CLASP2: variants seen among roughly 807,000 people sequenced by gnomAD.
The protein encoded by CLASP2 is cytoplasmic linker associated protein 2.
CLASP2 carries 47 observed loss-of-function variants against 194.4 expected under a neutral mutation model. The ratio of observed to expected loss-of-function variants is 0.24; its 90% CI spans 0.19 to 0.31. CLASP2 has a LOEUF of 0.31. Among genes scored for constraint, CLASP2 ranks in the 10% least tolerant of loss-of-function variants. The pLI, the probability that CLASP2 is intolerant of heterozygous loss-of-function variation, is 1.00. For missense variants in CLASP2, 1,445 were observed against 1,823.6 expected, an observed-to-expected ratio of 0.79 and a Z score of 3.78; for synonymous variants, 619 against 633.5, an observed-to-expected ratio of 0.98 and a Z score of 0.34.
At chr3:33,525,241 T>C (rs748297426) in intron 34 of CLASP2, among the ~76,000 whole-genome samples, 5 of 152,020 alleles carry the variant, frequency 3.3e-5, no homozygotes, top group Admixed American at 6.6e-5. Context: ...CCAAAACTTA[T>C]GGAACACAGT....
intron 23 of CLASP2, among the ~76,000 whole-genome samples, chr3:33,580,056 A>G (rs2065699925): frequency 6.6e-6 from 1 of 152,180 alleles, no homozygotes; most frequent in Non-Finnish European, 1.5e-5. Context: ...TACCTGCCAC[A>G]CACAGCCTTA....
chr3:33,682,367 C>G (rs1305598438), intron 6 of CLASP2, among the ~76,000 whole-genome samples: 2 of 152,122 alleles, frequency 1.3e-5, no homozygotes, highest in Non-Finnish European at 2.9e-5. Flanking sequence ...CTTGCTTCAA[C>G]ATAATACAGC....
intron 1 of CLASP2, among the ~76,000 whole-genome samples, chr3:33,703,524 T>C (rs1465751172): frequency 1.3e-5 from 2 of 152,260 alleles, no homozygotes; most frequent in Non-Finnish European, 1.5e-5. Context: ...AGTACAGTTA[T>C]TTTGGCAGTT....
chr3:33,697,174 G>A (rs1250959457), intron 1 of CLASP2, among the ~76,000 whole-genome samples: 1 of 152,178 alleles, frequency 6.6e-6, no homozygotes, highest in Non-Finnish European at 1.5e-5. Context: ...TTGGCACAAT[G>A]CTAACTAGTA....
intron 6 of CLASP2, among the ~76,000 whole-genome samples, chr3:33,671,531 T>G (rs2087203856): frequency 6.6e-6 from 1 of 152,104 alleles, no homozygotes; most frequent in African/African-American, 2.4e-5. Context: ...GACAGGTGAT[T>G]TCTGCATTTC....
At chr3:33,575,184 CTACT>C (rs2064587429) in intron 24 of CLASP2, among the ~76,000 whole-genome samples, 1 of 152,048 alleles carries the variant, frequency 6.6e-6, no homozygotes, top group African/African-American at 2.4e-5. Flanking sequence ...AACAAAGTCC[CTACT>C]TAATTATATT....
chr3:33,518,365 G>A (rs2052007959), intron 34 of CLASP2, among the ~76,000 whole-genome samples: 1 of 152,158 alleles, frequency 6.6e-6, no homozygotes, highest in African/African-American at 2.4e-5. Flanking sequence ...ACATTTGAAT[G>A]TAACAAAATA....
intron 23 of CLASP2, among the ~76,000 whole-genome samples, chr3:33,578,962 G>C (rs2065460047): frequency 6.6e-6 from 1 of 152,148 alleles, no homozygotes; most frequent in African/African-American, 2.4e-5. Context: ...CCAGCCATAA[G>C]CAACAAGGGG....
At chr3:33,547,196 G>A (rs1327121113) in intron 30 of CLASP2, among the ~76,000 whole-genome samples, 1 of 152,162 alleles carries the variant, frequency 6.6e-6, no homozygotes, top group Non-Finnish European at 1.5e-5. Flanking sequence ...TGGAGGGACT[G>A]GTGGGAGATA....
At chr3:33,608,445 G>C in intron 14 of CLASP2, 122 bp downstream of exon 14, 1 of 770,394 alleles carries the variant, frequency 1.3e-6, no homozygotes, top group South Asian at 1.6e-5. Context: ...AGCTTTAAAG[G>C]AAAACCAGTA....
chr3:33,531,520 A>C (rs1377279285), intron 34 of CLASP2, among the ~76,000 whole-genome samples: 1 of 152,216 alleles, frequency 6.6e-6, no homozygotes, highest in East Asian at 1.9e-4. Context: ...TCATACCTGT[A>C]ATCTCGGCAC....
At chr3:33,544,935 T>A in intron 30 of CLASP2, 94 bp from the exon 31 acceptor site, 1 of 806,144 alleles carries the variant, frequency 1.2e-6, no homozygotes, top group Non-Finnish European at 1.8e-6. Context: ...AGCACGAAGC[T>A]TGACCATCTT....
chr3:33,536,070 C>G (rs2057276174), intron 33 of CLASP2, among the ~76,000 whole-genome samples: 1 of 152,056 alleles, frequency 6.6e-6, no homozygotes, highest in Admixed American at 6.6e-5. Context: ...GTATCAGCAT[C>G]ACCACCATCC....
intron 2 of CLASP2, among the ~76,000 whole-genome samples, chr3:33,692,427 CAAAA>C (rs1486147332): frequency 2.6e-5 from 4 of 152,052 alleles, no homozygotes; most frequent in Non-Finnish European, 5.9e-5. Flanking sequence ...TAAACAAAAA[CAAAA>C]AACTTCACAT....
chr3:33,671,818 G>A (rs914963125), intron 6 of CLASP2, among the ~76,000 whole-genome samples: 22 of 151,588 alleles, frequency 1.5e-4, no homozygotes, highest in Non-Finnish European at 3.2e-4. Context: ...AGGGTCCTAC[G>A]CCCACGGAGA....
At chr3:33,684,265 TA>T in intron 6 of CLASP2, 93 bp downstream of exon 6, 1 of 641,218 alleles carries the variant, frequency 1.6e-6, no homozygotes, top group East Asian at 3.5e-5. Context: ...AATAAATAAA[TA>T]AATAAAAAAT....
At chr3:33,573,687 G>A (rs1425463087) in intron 24 of CLASP2, among the ~76,000 whole-genome samples, 1 of 152,072 alleles carries the variant, frequency 6.6e-6, no homozygotes, top group Admixed American at 6.6e-5. Context: ...GAATGTAAAT[G>A]AACAGAAACT....
At chr3:33,604,336 G>A in intron 16 of CLASP2, 127 bp from the exon 17 acceptor site, 1 of 579,590 alleles carries the variant, frequency 1.7e-6, no homozygotes, top group Non-Finnish European at 2.9e-6. Context: ...TTTTTTTTTT[G>A]AGACAGAGTC....
intron 6 of CLASP2, among the ~76,000 whole-genome samples, chr3:33,670,250 A>C (rs1244853740): frequency 6.6e-6 from 1 of 152,226 alleles, no homozygotes; most frequent in Non-Finnish European, 1.5e-5. Context: ...GATTGTGGTT[A>C]CTTTTAGGAA....
Sources: gnomAD v4.1 joint callset for allele counts (sites outside exome capture counted in the v4.1 genomes callset) on GRCh38, gnomAD v4.1.1 for gene constraint, MANE v1.5 for transcripts, NCBI Gene and HGNC (gene_info 2026-07-23, HGNC 2026-07-21) for gene names.